Variants in SCAPER observed in about 807,000 individuals in gnomAD.
SCAPER encodes the protein S-phase cyclin A associated protein in the ER.
In SCAPER, 98 loss-of-function variants were observed where a neutral mutation model predicts 182.2. The observed-to-expected ratio is 0.54, with a 90% confidence interval of 0.46 to 0.64. The LOEUF is 0.64. Ranked by LOEUF, SCAPER falls within the 30% of genes least tolerant of loss-of-function variation. The pLI is 0.00. For synonymous variants in SCAPER, 605 were observed against 564.6 expected, an observed-to-expected ratio of 1.07 and a Z score of -1.01; for missense variants, 1,432 against 1,690.0, an observed-to-expected ratio of 0.85 and a Z score of 2.68.
At chr15:76,538,734 GA>G (rs2044443878) in intron 23 of SCAPER, among the ~76,000 whole-genome samples, 3 of 146,794 alleles carry the variant, frequency 2.0e-5, no homozygotes, top group Admixed American at 6.8e-5. Context: ...AAAAAAAAAA[GA>G]AAAAAATAGT....
At chr15:76,777,330 A>G (rs1380864990) in intron 8 of SCAPER, among the ~76,000 whole-genome samples, 1 of 152,234 alleles carries the variant, frequency 6.6e-6, no homozygotes, top group Non-Finnish European at 1.5e-5. Flanking sequence ...AAAAACTAAG[A>G]GAATAAATCA....
intron 22 of SCAPER, among the ~76,000 whole-genome samples, chr15:76,581,144 G>A (rs1597491321): frequency 6.6e-6 from 1 of 152,036 alleles, no homozygotes; most frequent in Non-Finnish European, 1.5e-5. Context: ...TAATGAGATT[G>A]AAGCCATAAT....
At chr15:76,523,099 T>C (rs1350837118) in intron 23 of SCAPER, among the ~76,000 whole-genome samples, 7 of 152,072 alleles carry the variant, frequency 4.6e-5, no homozygotes, top group Non-Finnish European at 1.0e-4. Flanking sequence ...GAAGTATTCA[T>C]GTCTTTAATA....
In SCAPER at chr15:76,652,371, C is replaced by CACACATATATAT. The variant is rs764864981; in HGVS notation, c.2645+13281_2645+13282insATATATATGTGT. Reference sequence around the variant, plus strand: ...ACACACACACACACACACACACACACATATATATATATATATATATATATA... The same window carrying CACACATATATAT: ...ACACACACACACACACACACACACACACACATATATATATATATATATATATATATATATATA... On this transcript the variant is annotated intron_variant, in intron 21 of 31. Coordinates refer to ENST00000563290, the MANE Select transcript of SCAPER (RefSeq NM_020843.4). Among the ~76,000 whole-genome samples, 8 of 8,064 alleles carry CACACATATATAT rather than the reference C, an allele frequency of 9.9e-4. 1 individual carries two copies. The highest frequency in any genetic ancestry group is 1.3e-3 in the Non-Finnish European group (6 of 4,684). 5.3% of individuals were successfully genotyped at this position (8,064 alleles called of 152,430 possible). A position where few individuals can be genotyped will look rare whatever the true frequency, so the allele number is the denominator to read the frequency against.
At chr15:76,758,401 A>T (rs1437197872) in intron 14 of SCAPER, among the ~76,000 whole-genome samples, 3 of 152,116 alleles carry the variant, frequency 2.0e-5, no homozygotes, top group Admixed American at 2.0e-4. Flanking sequence ...CCATAATTGC[A>T]TAGGTTTATT....
chr15:76,471,123 G>A (rs1031345302), intron 25 of SCAPER, 89 bp downstream of exon 25: 3 of 936,992 alleles, frequency 3.2e-6, no homozygotes, highest in African/African-American at 3.6e-5. Context: ...CATCTGGAGA[G>A]TAACTAAGTT....
chr15:76,516,336 T>G (rs549365931), intron 23 of SCAPER, among the ~76,000 whole-genome samples: 2 of 151,992 alleles, frequency 1.3e-5, no homozygotes, highest in Non-Finnish European at 2.9e-5. Context: ...CATTTGGTAT[T>G]TCTCTTAATG....
intron 23 of SCAPER, among the ~76,000 whole-genome samples, chr15:76,566,832 T>G (rs1340032624): frequency 6.6e-6 from 1 of 152,070 alleles, no homozygotes; most frequent in Non-Finnish European, 1.5e-5. Flanking sequence ...AAAATTAATT[T>G]TATTATTAAA....
intron 21 of SCAPER, among the ~76,000 whole-genome samples, chr15:76,646,911 C>T (rs1567690685): frequency 6.6e-6 from 1 of 152,138 alleles, no homozygotes; most frequent in Non-Finnish European, 1.5e-5. Flanking sequence ...GAGTCAGGTC[C>T]TAAAAGCATT....
intron 15 of SCAPER, among the ~76,000 whole-genome samples, chr15:76,751,521 AAAAC>A (rs2062080829): frequency 6.6e-6 from 1 of 151,860 alleles, no homozygotes; most frequent in Non-Finnish European, 1.5e-5. Context: ...TACTAGCACT[AAAAC>A]AGACATATAG....
At chr15:76,396,164 T>G (rs753660886) in intron 27 of SCAPER, among the ~76,000 whole-genome samples, 1 of 152,224 alleles carries the variant, frequency 6.6e-6, no homozygotes, top group African/African-American at 2.4e-5. Context: ...TTCTGGGTTC[T>G]CTATTCTGCT....
intron 23 of SCAPER, among the ~76,000 whole-genome samples, chr15:76,564,240 A>G (rs940985895): frequency 1.3e-5 from 2 of 152,192 alleles, no homozygotes; most frequent in African/African-American, 4.8e-5. Context: ...TTGTTTGCAG[A>G]TGACACGATC....
chr15:76,652,272 AAATATATATATAT>A lies in SCAPER; in HGVS notation c.2645+13368_2645+13380del, dbSNP rs1192438392. Among the ~76,000 whole-genome samples the A allele has an allele frequency of 5.7e-4, 9 of 15,762 alleles. 1 individual carries two copies. The highest frequency in any genetic ancestry group is 1.3e-3 in the African/African-American group (5 of 3,960). 10.3% of individuals were successfully genotyped at this position (15,762 alleles called of 152,430 possible). On this transcript the variant is annotated intron_variant, in intron 21 of 31. Coordinates refer to ENST00000563290, the MANE Select transcript of SCAPER (RefSeq NM_020843.4). ...TGTCTCTGCTAAAAAAAAAAAAAAA[AAATATATATATAT>A]ATATATATATATATATATATATATA...
chr15:76,883,136 T>A (rs1364711317), intron 2 of SCAPER, among the ~76,000 whole-genome samples: 1 of 151,974 alleles, frequency 6.6e-6, no homozygotes, highest in Non-Finnish European at 1.5e-5. Context: ...GGCCAGACAA[T>A]AAGAGAGAAG....
chr15:76,457,012 G>A (rs557006914), intron 25 of SCAPER, among the ~76,000 whole-genome samples: 2 of 150,096 alleles, frequency 1.3e-5, no homozygotes, highest in Non-Finnish European at 3.0e-5. Flanking sequence ...CACATGGTTA[G>A]GTCTTTTTAT....
chr15:76,603,180 C>T lies in SCAPER; in HGVS notation c.2711+18584G>A. On this transcript the variant is annotated intron_variant, in intron 22 of 31. Coordinates refer to ENST00000563290, the MANE Select transcript of SCAPER (RefSeq NM_020843.4). ...AGGTATATCTCCTAATGATATCCCT[C>T]CCCCTTCCTCCCACCCCACAACAGT... is the stretch of plus-strand genomic sequence containing the variant. Among the ~76,000 whole-genome samples the T allele has an allele frequency of 1.7e-5, 2 of 118,646 alleles. 1 individual carries two copies. Among genetic ancestry groups the T allele is most frequent in the Non-Finnish European group, 4.1e-5 (2 of 49,068 alleles). 77.8% of individuals were successfully genotyped at this position (118,646 alleles called of 152,430 possible).
At chr15:76,632,106 G>A (rs1347982731) in intron 21 of SCAPER, among the ~76,000 whole-genome samples, 1 of 152,040 alleles carries the variant, frequency 6.6e-6, no homozygotes, top group African/African-American at 2.4e-5. Context: ...GCATTGTGAC[G>A]TTCTCGTGTT....
intron 23 of SCAPER, among the ~76,000 whole-genome samples, chr15:76,557,293 AT>A (rs1015122116): frequency 1.2e-4 from 18 of 152,324 alleles, no homozygotes; most frequent in African/African-American, 4.3e-4. Context: ...AAGAGCCCCA[AT>A]AGCCAAAGCA....
At chr15:76,370,231 C>T (rs2042055476) in intron 29 of SCAPER, among the ~76,000 whole-genome samples, 1 of 150,866 alleles carries the variant, frequency 6.6e-6, no homozygotes, top group African/African-American at 2.5e-5. Flanking sequence ...TAGTATAATC[C>T]ACTTCTTTTT....
Sources: gnomAD v4.1 joint callset for allele counts (sites outside exome capture counted in the v4.1 genomes callset) on GRCh38, gnomAD v4.1.1 for gene constraint, MANE v1.5 for transcripts, NCBI Gene and HGNC (gene_info 2026-07-23, HGNC 2026-07-21) for gene names.